The following NF1 variants were observed in gnomAD, a reference collection of about 807,000 sequenced individuals.
The protein encoded by NF1 is neurofibromin.
Under a neutral mutation model 325.7 loss-of-function variants are expected in NF1, and 122 were observed. The ratio of observed to expected loss-of-function variants is 0.37; its 90% CI spans 0.32 to 0.44. NF1 has a LOEUF of 0.44. Among genes scored for constraint, NF1 ranks in the 20% least tolerant of loss-of-function variants. The pLI is 1.00. For missense variants in NF1, 2,140 were observed against 3,415.4 expected (o/e 0.63, Z 9.31); for synonymous variants, 1,091 against 1,186.0 (o/e 0.92, Z 1.65).
At position 31,336,676 on chromosome 17, in the gene NF1, A is replaced by G. The variant is rs1060503911; in HGVS notation, c.6189A>G (p.Leu2063=). The G allele has an allele frequency of 1.9e-6, 3 of 1,613,370 alleles. No homozygotes were observed. Among genetic ancestry groups the G allele is most frequent in the Middle Eastern group, 1.6e-4 (1 of 6,082 alleles). The change falls in exon 42 of 58, where the codon TTA becomes TTG. Residue 2063 remains leucine, a synonymous_variant. Transcript: ENST00000358273. This position sits in a 1 kb window ranked among gnomAD's most constrained non-coding sequence, Gnocchi z 5.5. ...RMCKIIDKTC[L]SPTPTLEQHL... ...GCAAAATAATTGACAAGACATGCTTATCTCCAACTCCTACTTTAGAACAAC... is the reference window on the plus strand; with the variant it reads ...GCAAAATAATTGACAAGACATGCTTGTCTCCAACTCCTACTTTAGAACAAC...
Position 31,327,691 on chromosome 17 carries a change from G to A in NF1, c.5461G>A (p.Val1821Ile), listed in dbSNP as rs1597832135. ...TFMHQECEAI[V>I]QSIIHIRTRW... ...CATGCACCAGGAGTGTGAAGCCATT[G>A]TCCAGTCTATCATTCATATCCGGAC... is the stretch of plus-strand genomic sequence containing the variant. Residue 1821 changes from valine to isoleucine, a missense_variant, in exon 38 of 58, where the codon GTC (valine) becomes ATC (isoleucine). Physicochemically the swap from Val to Ile is conservative, Grantham distance 29 (BLOSUM62 3). Coordinates refer to ENST00000358273, the MANE Select transcript of NF1 (RefSeq NM_001042492.3). 1 of 1,613,972 alleles carries A rather than the reference G, an allele frequency of 6.2e-7. No homozygotes were observed.
At position 31,243,170 on chromosome 17, in the gene NF1, GTCTC is replaced by G. The variant is rs565793768; in HGVS notation, c.3975-5806_3975-5803del. On this transcript the variant is annotated intron_variant, in intron 29 of 57. Transcript: ENST00000358273. ...ACTTTCCTCTAAACAAACAGAGTCA[GTCTC>G]TCTCTCTGTCTGTGTGTGTGTGTGT... Among the ~76,000 whole-genome samples, 9 of 148,834 alleles carry G rather than the reference GTCTC, an allele frequency of 6.0e-5. No individual in the cohort carries two copies. In the East Asian group the frequency reaches 1.4e-3, roughly 23 times the overall value.
chr17:31,338,927 T>G, intron 46 of NF1, 122 bp downstream of exon 46: 1 of 710,470 alleles, frequency 1.4e-6, no homozygotes. Flanking sequence ...AAACTATAGT[T>G]AAAGTAGAAC....
intron 36 of NF1, among the ~76,000 whole-genome samples, chr17:31,313,720 A>ATGTGTG (rs1555625971): frequency 2.0e-5 from 2 of 101,186 alleles, no homozygotes; most frequent in African/African-American, 7.5e-5. Context: ...AAAAAAAAAA[A>ATGTGTG]TATGTGTGTG....
intron 1 of NF1, among the ~76,000 whole-genome samples, chr17:31,118,194 GCTTT>G (rs1434123774): frequency 1.3e-5 from 2 of 151,980 alleles, no homozygotes; most frequent in African/African-American, 2.4e-5. Context: ...GGGAATTGTT[GCTTT>G]CTTTAACTTT....
intron 36 of NF1, among the ~76,000 whole-genome samples, chr17:31,280,369 C>T (rs1331246787): frequency 2.6e-5 from 4 of 150,982 alleles, no homozygotes; most frequent in Non-Finnish European, 4.4e-5. Flanking sequence ...ATTAGCTGGG[C>T]GTGGTGGTGT....
intron 1 of NF1, chr17:31,138,542 G>C (rs1313827356): frequency 6.6e-6 from 1 of 151,652 alleles, no homozygotes; most frequent in Non-Finnish European, 1.5e-5. Context: ...GAGATTATAG[G>C]TGTGAGCCAC....
intron 35 of NF1, 40 bp downstream of exon 35, chr17:31,261,897 G>A (rs768486850): frequency 6.2e-7 from 1 of 1,609,008 alleles, no homozygotes; most frequent in South Asian, 1.1e-5. Context: ...CTTTCTTTTT[G>A]GTTGAGAAGG....
chr17:31,182,642 G>A lies in NF1; in HGVS notation c.865G>A (p.Val289Ile), dbSNP rs1326607708. 6.2e-7 allele frequency: 1 copy of A among 1,613,668 alleles called. No individual in the cohort carries two copies. The change falls in exon 8 of 58, where the codon GTT becomes ATT. Residue 289 changes from valine to isoleucine, a missense_variant. By Grantham distance (29) the Val-to-Ile change is conservative. Around this residue, in one of 10 missense-constraint regions of NF1, gnomAD observed 246 missense variants for 347.8 expected, o/e 0.71. Transcript: ENST00000358273. ...EIIQDISKDV[V>I]DENNMNKKLF... ...AATCCAGGATATATCCAAAGACGTG[G>A]TTGATGAAAACAACATGAATAAGGT...
rs1555615036 is a variant in NF1 at position 31,233,087 on chromosome 17, C to T, written c.3582C>T (p.Asp1194=). 2.5e-6 allele frequency: 4 copies of T among 1,614,188 alleles called. No individual in the cohort carries two copies. The highest frequency in any genetic ancestry group is 2.5e-6 in the Non-Finnish European group (3 of 1,180,028). The change falls in exon 27 of 58, where the codon GAC becomes GAT. Residue 1194 remains aspartate, a synonymous_variant. Transcript: ENST00000358273. ...TCCTTCAACAAGGCACAGAATTTGA[C>T]ACACTTGCAGAAACAGTATTGGCTG... The part of the protein sequence containing the change: ...TKILQQGTEF[D]TLAETVLADR...
intron 57 of NF1, among the ~76,000 whole-genome samples, chr17:31,362,070 G>T (rs1293644651): frequency 6.6e-6 from 1 of 152,114 alleles, no homozygotes; most frequent in Non-Finnish European, 1.5e-5. Context: ...TTGGGAGCTT[G>T]TTAGAAATGC....
chr17:31,223,614 T>A (rs1385963920), intron 16 of NF1, 47 bp downstream of exon 16: 2 of 1,576,898 alleles, frequency 1.3e-6, no homozygotes, highest in Non-Finnish European at 1.7e-6. Context: ...TTTGGAATGG[T>A]AATGGTGAGA....
chr17:31,276,815 A>G (rs2068019143), intron 36 of NF1, among the ~76,000 whole-genome samples: 1 of 152,158 alleles, frequency 6.6e-6, no homozygotes, highest in South Asian at 2.1e-4. Context: ...AGTTCTGGCC[A>G]GTAAAATGTC....
At chr17:31,127,089 A>G (rs1914945507) in intron 1 of NF1, among the ~76,000 whole-genome samples, 1 of 149,886 alleles carries the variant, frequency 6.7e-6, no homozygotes, top group South Asian at 2.1e-4. Flanking sequence ...GCTTGGGTGA[A>G]TATTAAGTGT....
In NF1 at chr17:31,232,704, T is replaced by C. The variant is rs2151434442; in HGVS notation, c.3319T>C (p.Phe1107Leu). ...EAKSQLFLKY[F>L]TLFMNLLNDC... ...GTCAGTCTTTTTATTTCTCAGATAC[T>C]TCACATTATTTATGAACCTTTTGAA... Residue 1107 changes from phenylalanine to leucine, a missense_variant, in exon 26 of 58, where the codon TTC becomes CTC. This residue lies in a region of NF1 where 380 missense variants were observed against 639.3 expected (regional missense o/e 0.59). Transcript: ENST00000358273. 1 of 1,613,906 alleles carries C rather than the reference T, an allele frequency of 6.2e-7. No homozygotes were observed. The highest frequency in any genetic ancestry group is 8.5e-7 in the Non-Finnish European group (1 of 1,179,916).
intron 1 of NF1, among the ~76,000 whole-genome samples, chr17:31,140,084 G>T (rs575157764): frequency 6.6e-6 from 1 of 152,114 alleles, no homozygotes; most frequent in Non-Finnish European, 1.5e-5. Flanking sequence ...TGACCATAGG[G>T]GATAAAACGA....
intron 12 of NF1, among the ~76,000 whole-genome samples, chr17:31,213,424 G>A (rs1402593087): frequency 2.0e-5 from 3 of 152,192 alleles, no homozygotes; most frequent in African/African-American, 7.2e-5. Flanking sequence ...ATTGAGGATA[G>A]TTCATTTGTG....
Position 31,214,526 on chromosome 17 carries a change from A to G in NF1, c.1468A>G (p.Lys490Glu), listed in dbSNP as rs1181298067. The G allele has an allele frequency of 6.2e-7, 1 of 1,609,538 alleles. No individual in the cohort carries two copies. Among genetic ancestry groups the G allele is most frequent in the Non-Finnish European group, 8.5e-7 (1 of 1,176,154 alleles). ...KPTDLETRSY[K>E]YLLLSMVKLI... Reference sequence around the variant, plus strand: ...TACAGACCTGGAGACAAGAAGCTATAAGTATCTTCTCTTGTCCATGGTGAA... The same window carrying G: ...TACAGACCTGGAGACAAGAAGCTATGAGTATCTTCTCTTGTCCATGGTGAA... Residue 490 changes from lysine to glutamate, a missense_variant, in exon 13 of 58, where the codon AAG becomes GAG. By Grantham distance (56) the Lys-to-Glu change is moderately conservative. This residue lies in a region of NF1 where 179 missense variants were observed against 381.0 expected (regional missense o/e 0.47). Coordinates refer to ENST00000358273, the MANE Select transcript of NF1 (RefSeq NM_001042492.3).
chr17:31,147,946 G>A (rs187905095), intron 1 of NF1, among the ~76,000 whole-genome samples: 5 of 152,210 alleles, frequency 3.3e-5, no homozygotes, highest in African/African-American at 1.2e-4. Flanking sequence ...TCCATTAGAG[G>A]TACATTGCCT....
Sources: allele counts gnomAD v4.1 joint callset (sites outside exome capture counted in the v4.1 genomes callset), GRCh38; gene constraint gnomAD v4.1.1; regional missense constraint gnomAD v4.1.1; non-coding constraint Gnocchi (gnomAD v3.1); transcripts MANE v1.5; gene names NCBI Gene and HGNC (gene_info 2026-07-23, HGNC 2026-07-21).